The following RCC2 variants were observed in gnomAD, a reference collection of about 807,000 sequenced individuals.
RCC2 encodes protein RCC2.
In RCC2, 19 loss-of-function variants were observed where a neutral mutation model predicts 64.1. That is an observed-to-expected ratio of 0.30 (90% CI 0.21 to 0.44). The LOEUF (loss-of-function observed/expected upper bound fraction) is 0.44, where lower values mean the gene tolerates loss of function less well. RCC2 is among the 20% of genes least tolerant of loss of function. The pLI, the probability that RCC2 is intolerant of heterozygous loss-of-function variation, is 1.00. For synonymous variants in RCC2, 325 were observed against 279.6 expected (o/e 1.16, Z -1.62); for missense variants, 508 against 710.4 (o/e 0.72, Z 3.24).
chr1:17,425,464 G>A (rs1456855993), intron 4 of RCC2, 77 bp downstream of exon 4: 2 of 1,413,034 alleles, frequency 1.4e-6, no homozygotes, highest in South Asian at 1.4e-5. Flanking sequence ...CTCTTTTCCA[G>A]GCAAACAGAA....
intron 11 of RCC2, 119 bp downstream of exon 11, chr1:17,412,003 G>T (rs1416166105): frequency 2.3e-6 from 2 of 856,972 alleles, no homozygotes; most frequent in South Asian, 1.4e-5. Flanking sequence ...ATACAATAAG[G>T]GGGGAATCCC....
chr1:17,425,012 A>T (rs536924237), intron 4 of RCC2, among the ~76,000 whole-genome samples: 1 of 152,182 alleles, frequency 6.6e-6, no homozygotes. Context: ...ATATCCTAAG[A>T]AGCAGACAAC....
At chr1:17,418,723 G>GT (rs1441250112) in intron 7 of RCC2, among the ~76,000 whole-genome samples, 1 of 152,196 alleles carries the variant, frequency 6.6e-6, no homozygotes, top group African/African-American at 2.4e-5. Context: ...TACGATGAAT[G>GT]TAAGAGCATC....
intron 5 of RCC2, among the ~76,000 whole-genome samples, 158 bp downstream of exon 5, chr1:17,422,547 G>A (rs1229708417): frequency 6.6e-6 from 1 of 152,130 alleles, no homozygotes. Context: ...GGCTCCCAAT[G>A]CCCTCAAGAA....
chr1:17,412,456 A>G (rs112439473), intron 10 of RCC2, among the ~76,000 whole-genome samples: 17 of 152,354 alleles, frequency 1.1e-4, no homozygotes, highest in African/African-American at 3.8e-4. Context: ...CATCCTGCAC[A>G]GCTCTCTCTC....
At chr1:17,419,575 T>A (rs1233365377) in intron 7 of RCC2, among the ~76,000 whole-genome samples, 2 of 152,230 alleles carry the variant, frequency 1.3e-5, no homozygotes, top group Non-Finnish European at 2.9e-5. Context: ...ATTTCCAAAC[T>A]ACCTGCAAGT....
At chr1:17,425,708 A>G (rs550604059) in intron 3 of RCC2, 24 bp from the exon 4 acceptor site, 2 of 1,591,490 alleles carry the variant, frequency 1.3e-6, no homozygotes, top group South Asian at 1.1e-5. Context: ...GAGAATGCAG[A>G]TCAGACACCT....
In RCC2 at chr1:17,407,414, T is replaced by G. The variant is rs1212200118; in HGVS notation, c.*1676A>C. The G allele has an allele frequency of 6.6e-6, 1 of 152,184 alleles. No individual in the cohort carries two copies. Among genetic ancestry groups the G allele is most frequent in the Non-Finnish European group, 1.5e-5 (1 of 68,038 alleles). The allele number at this position is 152,184 out of a possible 1,614,324, so 9.4% of individuals were successfully genotyped here. A position where few individuals can be genotyped will look rare whatever the true frequency, so the allele number is the denominator to read the frequency against. ...CAGAGATGGTGGTTTTGGGGTGATT[T>G]GGACAAATTAGGTTAGTTTAGCAAA... On this transcript the variant is annotated 3_prime_UTR_variant, in exon 13 of 13. Transcript: ENST00000375436.
chr1:17,430,610 AC>A (rs2075665533), intron 2 of RCC2, among the ~76,000 whole-genome samples: 1 of 151,910 alleles, frequency 6.6e-6, no homozygotes, highest in Non-Finnish European at 1.5e-5. Context: ...ATATGGTAAA[AC>A]CCCGTCTCTA....
chr1:17,412,093 T>TC (rs1557620669), intron 11 of RCC2, 29 bp downstream of exon 11: 1 of 1,611,510 alleles, frequency 6.2e-7, no homozygotes. Flanking sequence ...GGCTTCCACT[T>TC]CCCCTGACCC....
chr1:17,435,699 C>A (rs1171250041), intron 2 of RCC2, among the ~76,000 whole-genome samples: 1 of 152,186 alleles, frequency 6.6e-6, no homozygotes, highest in East Asian at 1.9e-4. Flanking sequence ...GGTGGACCAC[C>A]TGAGATCAGG....
rs200660338 is a variant in RCC2, at chr1:17,438,267, A to G, written c.248T>C (p.Val83Ala). 3,637 of 1,313,788 alleles carry G rather than the reference A, an allele frequency of 2.8e-3. 15 individuals carry two copies. The highest frequency in any genetic ancestry group is 8.8e-3 in the South Asian group (523 of 59,204). The allele number at this position is 1,313,788 out of a possible 1,614,324, so 81.4% of individuals were successfully genotyped here. ...GGTGTGCTCGGGTTCGGTGATGACC[A>G]CGGCCGCGCCGCCCGCCTTGCCTGC... Reference protein sequence around the residue: ...ATAGKAGGAAVVITEPEHTKE... With the variant: ...ATAGKAGGAAAVITEPEHTKE... The change falls in exon 2 of 13, where the codon GTG becomes GCG. Residue 83 changes from valine (V) to alanine (A), a missense_variant. This residue lies in a region of RCC2 where 195 missense variants were observed against 158.3 expected (regional missense o/e 1.23). Transcript: ENST00000375436.
chr1:17,415,732 C>T (rs2075475434), intron 8 of RCC2, among the ~76,000 whole-genome samples: 2 of 151,008 alleles, frequency 1.3e-5, no homozygotes, highest in Non-Finnish European at 3.0e-5. Flanking sequence ...AAAAGATACA[C>T]AAACAAAAGA....
chr1:17,431,359 A>ATATATATATATATATATATATAT (rs1265674393), intron 2 of RCC2, among the ~76,000 whole-genome samples: 2 of 44,928 alleles, frequency 4.5e-5, no homozygotes, highest in Non-Finnish European at 7.6e-5. Flanking sequence ...AAAAAAAAAA[A>ATATATATATATATATATATATAT]ATATATATAT....
At chr1:17,410,983 C>T (rs1557619931) in intron 11 of RCC2, among the ~76,000 whole-genome samples, 1 of 152,122 alleles carries the variant, frequency 6.6e-6, no homozygotes, top group Non-Finnish European at 1.5e-5. Flanking sequence ...ATCGGGCCAC[C>T]AGAGCATCTG....
At chr1:17,426,515 G>T (rs1297734530) in intron 3 of RCC2, among the ~76,000 whole-genome samples, 1 of 151,990 alleles carries the variant, frequency 6.6e-6, no homozygotes. Flanking sequence ...TTCCCCCAGG[G>T]CTCCCCTGCC....
intron 3 of RCC2, among the ~76,000 whole-genome samples, chr1:17,428,576 T>A (rs995028624): frequency 9.2e-5 from 14 of 152,224 alleles, no homozygotes; most frequent in African/African-American, 3.4e-4. Flanking sequence ...GCCTTTTCCC[T>A]TAAGACACCA....
At position 17,410,039 on chromosome 1, in the gene RCC2, G is replaced by A. The variant is rs370053181; in HGVS notation, c.1399C>T (p.His467Tyr). 3 of 1,614,016 alleles carry A rather than the reference G, an allele frequency of 1.9e-6. No homozygotes were observed. Among genetic ancestry groups the A allele is most frequent in the Non-Finnish European group, 2.5e-6 (3 of 1,179,994 alleles). ...PTFGELGYGD[H>Y]KPKSSTAAQE... ...GCTGCAGTGGAAGACTTGGGCTTGT[G>A]GTCCCCGTAGCCCTGGCGAAGCAAA... The change falls in exon 12 of 13, where the codon CAC (histidine) becomes TAC (tyrosine). Residue 467 changes from histidine to tyrosine, a missense_variant. Physicochemically the swap from His to Tyr is moderately conservative, Grantham distance 83. This residue lies in a region of RCC2 where 179 missense variants were observed against 322.0 expected (regional missense o/e 0.56). Transcript: ENST00000375436.
chr1:17,418,652 T>C (rs887073744), intron 7 of RCC2, among the ~76,000 whole-genome samples: 2 of 151,820 alleles, frequency 1.3e-5, no homozygotes, highest in African/African-American at 4.8e-5. Flanking sequence ...CAAGACTCCG[T>C]ATCAAAAAAA....
Sources: allele counts gnomAD v4.1 joint callset (sites outside exome capture counted in the v4.1 genomes callset), GRCh38; gene constraint gnomAD v4.1.1; regional missense constraint gnomAD v4.1.1; transcripts MANE v1.5; gene names NCBI Gene and HGNC (gene_info 2026-07-23, HGNC 2026-07-21).